The following CIMAP1D variants were observed in gnomAD, a reference collection of about 807,000 sequenced individuals.
The protein encoded by CIMAP1D is protein CIMAP1D.
At chr19:474,535 G>A in the CIMAP1D span, 1 of 1,287,614 alleles carries the variant, frequency 7.8e-7, no homozygotes, top group Non-Finnish European at 1.0e-6. Context: ...GCCTCCTGCT[G>A]GGCTCCCAGA....
the CIMAP1D span, chr19:474,940 C>T: frequency 2.2e-6 from 1 of 451,972 alleles, no homozygotes; most frequent in Non-Finnish European, 3.8e-6. Flanking sequence ...CCAAGGCAGG[C>T]TGGTCGGCCG....
chr19:469,547 G>A, the CIMAP1D span, among the ~76,000 whole-genome samples: 11 of 151,956 alleles, frequency 7.2e-5, no homozygotes, highest in Non-Finnish European at 7.4e-5. Flanking sequence ...AAAATTAGCC[G>A]GGCGTGGTGG....
the CIMAP1D span, among the ~76,000 whole-genome samples, chr19:475,892 G>A: frequency 6.7e-6 from 1 of 149,916 alleles, no homozygotes; most frequent in Non-Finnish European, 1.5e-5. Flanking sequence ...TCCTGCCTCA[G>A]CCTCCTGAGT....
At chr19:468,108 G>C in the CIMAP1D span, among the ~76,000 whole-genome samples, 1 of 152,142 alleles carries the variant, frequency 6.6e-6, no homozygotes, top group South Asian at 2.1e-4. Flanking sequence ...GTGCACACCT[G>C]TAATCCCAGC....
the CIMAP1D span, chr19:490,014 A>G: frequency 2.5e-6 from 1 of 398,586 alleles, no homozygotes; most frequent in Non-Finnish European, 4.4e-6. Flanking sequence ...CGGCCACGAT[A>G]GAAAGAAGAA....
the CIMAP1D span, among the ~76,000 whole-genome samples, chr19:485,489 CTA>C: frequency 6.6e-6 from 1 of 152,350 alleles, no homozygotes; most frequent in Non-Finnish European, 1.5e-5. Flanking sequence ...GTTCTTTTCT[CTA>C]GAGACAAGGT....
At chr19:490,065 A>G in the CIMAP1D span, 2 of 398,374 alleles carry the variant, frequency 5.0e-6, no homozygotes, top group Non-Finnish European at 8.8e-6. Context: ...CGTATGAAAC[A>G]TAAAACAAGG....
chr19:490,797 CTA>C, the CIMAP1D span, among the ~76,000 whole-genome samples: 2 of 152,016 alleles, frequency 1.3e-5, no homozygotes, highest in Admixed American at 1.3e-4. Context: ...AACCCCGTCT[CTA>C]TTAAAAATAC....
chr19:470,077 C>A, the CIMAP1D span, among the ~76,000 whole-genome samples: 2 of 152,178 alleles, frequency 1.3e-5, no homozygotes, highest in African/African-American at 4.8e-5. Flanking sequence ...AGAAGCCTAC[C>A]CTGGGCCTTC....
At chr19:480,863 G>A in the CIMAP1D span, among the ~76,000 whole-genome samples, 8 of 137,552 alleles carry the variant, frequency 5.8e-5, no homozygotes, top group African/African-American at 1.3e-4. Context: ...GATGGAGAAC[G>A]ATGATGGAAA....
the CIMAP1D span, among the ~76,000 whole-genome samples, chr19:467,156 TTGGGTGGG>T: frequency 2.2e-5 from 1 of 45,636 alleles, no homozygotes; most frequent in African/African-American, 1.0e-4. Context: ...GGGTGGGTGG[TTGGGTGGG>T]TGGGTGGATG....
At chr19:470,382 T>A in the CIMAP1D span, among the ~76,000 whole-genome samples, 2 of 151,702 alleles carry the variant, frequency 1.3e-5, no homozygotes, top group Non-Finnish European at 2.9e-5. Context: ...AATTTTTTTT[T>A]TTTTATTTTT....
the CIMAP1D span, chr19:464,177 G>T: frequency 6.6e-7 from 1 of 1,507,938 alleles, no homozygotes; most frequent in Non-Finnish European, 8.9e-7. Context: ...AGCTGGGGCT[G>T]CTGGGCTTGG....
the CIMAP1D span, among the ~76,000 whole-genome samples, chr19:472,972 A>G: frequency 3.3e-5 from 4 of 120,962 alleles, no homozygotes; most frequent in African/African-American, 8.7e-5. Flanking sequence ...AGGCCCAGGC[A>G]GAGATACATG....
At chr19:490,355 TA>T in the CIMAP1D span, 1,357 of 192,294 alleles carry the variant, frequency 7.1e-3, no homozygotes, top group Non-Finnish European at 9.8e-3. Flanking sequence ...AAACTCCAGC[TA>T]AAAAAAAAAG....
At chr19:479,776 TC>T in the CIMAP1D span, among the ~76,000 whole-genome samples, 1 of 152,214 alleles carries the variant, frequency 6.6e-6, no homozygotes, top group African/African-American at 2.4e-5. Flanking sequence ...GACCTTGTGA[TC>T]CGCCTGCCTC....
chr19:480,888 C>T, the CIMAP1D span, among the ~76,000 whole-genome samples: 3,020 of 82,666 alleles, frequency 0.037, 119 homozygotes, highest in African/African-American at 0.18. Context: ...TGATGGAGAA[C>T]GATGATGGAG....
the CIMAP1D span, chr19:464,028 C>A: frequency 6.2e-7 from 1 of 1,601,984 alleles, no homozygotes; most frequent in Non-Finnish European, 8.5e-7. Context: ...TCGCGGGGCC[C>A]GGGGCCGCCC....
chr19:474,600 T>C, the CIMAP1D span: 3 of 1,493,150 alleles, frequency 2.0e-6, no homozygotes, highest in Admixed American at 2.1e-5. Context: ...GTCCCACCCA[T>C]CCCCCACGGC....
Sources: gnomAD v4.1 joint callset for allele counts (sites outside exome capture counted in the v4.1 genomes callset) on GRCh38, gnomAD v4.1.1 for gene constraint, MANE v1.5 for transcripts, NCBI Gene and HGNC (gene_info 2026-07-23, HGNC 2026-07-21) for gene names.